PLXDC2: variants seen among roughly 807,000 people sequenced by gnomAD.
PLXDC2 encodes the protein plexin domain-containing protein 2.
Under a neutral mutation model 68.9 loss-of-function variants are expected in PLXDC2, and 40 were observed. That is an observed-to-expected ratio of 0.58 (90% CI 0.45 to 0.76). PLXDC2 has a LOEUF of 0.76. PLXDC2 is among the 30% of genes least tolerant of loss of function. PLXDC2 has a pLI of 0.00. For synonymous variants in PLXDC2, 243 were observed against 234.2 expected, an observed-to-expected ratio of 1.04 and a Z score of -0.34; for missense variants, 644 against 661.9, an observed-to-expected ratio of 0.97 and a Z score of 0.30.
intron 1 of PLXDC2, among the ~76,000 whole-genome samples, chr10:19,907,515 C>A (rs1187387145): frequency 1.3e-5 from 2 of 152,118 alleles, no homozygotes; most frequent in African/African-American, 2.4e-5. Context: ...CAAAACAAAG[C>A]AGAACAGCAA....
At chr10:20,191,469 AT>A (rs1272379198) in intron 9 of PLXDC2, among the ~76,000 whole-genome samples, 1 of 151,554 alleles carries the variant, frequency 6.6e-6, no homozygotes, top group Admixed American at 6.6e-5. Context: ...ATGTCTTCTG[AT>A]CACCGAGAAG....
chr10:20,037,099 A>G (rs1835590411), intron 2 of PLXDC2, among the ~76,000 whole-genome samples: 1 of 152,184 alleles, frequency 6.6e-6, no homozygotes, highest in South Asian at 2.1e-4. Context: ...GATCTAGTTC[A>G]ACTCCTTCCT....
intron 1 of PLXDC2, among the ~76,000 whole-genome samples, chr10:19,827,313 TC>T (rs1836591034): frequency 6.6e-6 from 1 of 152,230 alleles, no homozygotes; most frequent in African/African-American, 2.4e-5. Context: ...AAACCGGTCC[TC>T]CTTGTTCTTG....
intron 1 of PLXDC2, among the ~76,000 whole-genome samples, chr10:19,871,348 T>C (rs946767148): frequency 3.3e-5 from 5 of 152,172 alleles, no homozygotes; most frequent in East Asian, 1.9e-4. Context: ...AATTAGAAGA[T>C]AAATAAAAGA....
In PLXDC2 at chr10:20,280,475, C is replaced by T. The variant is rs1476991660; in HGVS notation, c.*656C>T. On this transcript the variant is annotated 3_prime_UTR_variant, in exon 14 of 14. Transcript: ENST00000377252. Reference sequence around the variant, plus strand: ...CAGGAGGTTCAAACCATGTCTGCCTCTTCCTTTGTAATGAATGACCTTTCT... The same window carrying T: ...CAGGAGGTTCAAACCATGTCTGCCTTTTCCTTTGTAATGAATGACCTTTCT... The T allele has an allele frequency of 6.6e-6, 1 of 152,196 alleles. No homozygotes were observed. The highest frequency in any genetic ancestry group is 1.5e-5 in the Non-Finnish European group (1 of 68,040). 9.4% of individuals were successfully genotyped at this position (152,196 alleles called of 1,614,324 possible). A position where few individuals can be genotyped will look rare whatever the true frequency, so the allele number is the denominator to read the frequency against.
At chr10:20,122,571 C>T (rs1001731162) in intron 4 of PLXDC2, among the ~76,000 whole-genome samples, 6 of 152,198 alleles carry the variant, frequency 3.9e-5, no homozygotes, top group Admixed American at 6.5e-5. Flanking sequence ...TAGGAGGAAT[C>T]CTGGGCTGCA....
At chr10:20,134,048 CT>C (rs1226605280) in intron 4 of PLXDC2, among the ~76,000 whole-genome samples, 1 of 152,100 alleles carries the variant, frequency 6.6e-6, no homozygotes, top group African/African-American at 2.4e-5. Context: ...TCCAGAATTT[CT>C]GTTTGGTTCT....
intron 1 of PLXDC2, among the ~76,000 whole-genome samples, chr10:19,977,827 C>G (rs1834484774): frequency 6.6e-6 from 1 of 152,126 alleles, no homozygotes; most frequent in Admixed American, 6.6e-5. Context: ...ACGACCTAAT[C>G]TGAGCCTAAT....
chr10:19,899,374 G>T (rs1157510528), intron 1 of PLXDC2, among the ~76,000 whole-genome samples: 3 of 152,186 alleles, frequency 2.0e-5, no homozygotes, highest in Non-Finnish European at 4.4e-5. Context: ...CAAACAACCT[G>T]CTTGCCCTTC....
chr10:19,840,301 T>A (rs1836879048), intron 1 of PLXDC2, among the ~76,000 whole-genome samples: 1 of 152,162 alleles, frequency 6.6e-6, no homozygotes, highest in South Asian at 2.1e-4. Context: ...AAAACTCAAG[T>A]GTTTAAGCTT....
chr10:20,022,745 G>A (rs1292084149), intron 2 of PLXDC2, among the ~76,000 whole-genome samples: 1 of 152,092 alleles, frequency 6.6e-6, no homozygotes, highest in Non-Finnish European at 1.5e-5. Flanking sequence ...GTACCAAGGC[G>A]AAGAGTGATG....
At chr10:19,953,797 C>G (rs1834025646) in intron 1 of PLXDC2, among the ~76,000 whole-genome samples, 2 of 151,744 alleles carry the variant, frequency 1.3e-5, no homozygotes, top group South Asian at 4.2e-4. Flanking sequence ...ACAAAGTTTC[C>G]TTAATGTGAA....
At chr10:20,249,341 A>G (rs914228326) in intron 13 of PLXDC2, among the ~76,000 whole-genome samples, 3 of 152,192 alleles carry the variant, frequency 2.0e-5, no homozygotes, top group African/African-American at 7.2e-5. Flanking sequence ...CTGTTGTAAC[A>G]AATTGCCACA....
chr10:20,279,914 A>C lies in PLXDC2; in HGVS notation c.*95A>C. ...AAGACAAACAAACAAACACACACAC[A>C]AACAAGCTCTAAGCTGCTGTAGCCT... On this transcript the variant is annotated 3_prime_UTR_variant, in exon 14 of 14. Coordinates refer to ENST00000377252, the MANE Select transcript of PLXDC2 (RefSeq NM_032812.9). 1 of 905,952 alleles carries C rather than the reference A, an allele frequency of 1.1e-6. No individual in the cohort carries two copies. Among genetic ancestry groups the C allele is most frequent in the Admixed American group, 1.9e-5 (1 of 52,590 alleles). The allele number at this position is 905,952 out of a possible 1,614,324, so 56.1% of individuals were successfully genotyped here.
At chr10:20,067,158 AT>A (rs1292845077) in intron 3 of PLXDC2, among the ~76,000 whole-genome samples, 1 of 152,216 alleles carries the variant, frequency 6.6e-6, no homozygotes, top group Non-Finnish European at 1.5e-5. Flanking sequence ...TTTTAAAAAA[AT>A]AGACACTATA....
chr10:19,880,663 A>G (rs771040467), intron 1 of PLXDC2, among the ~76,000 whole-genome samples: 5 of 152,216 alleles, frequency 3.3e-5, no homozygotes, highest in Non-Finnish European at 5.9e-5. Context: ...GAAATAAAGT[A>G]TTCAGTACTT....
At chr10:19,852,190 G>A (rs1446623514) in intron 1 of PLXDC2, among the ~76,000 whole-genome samples, 7 of 151,918 alleles carry the variant, frequency 4.6e-5, no homozygotes, top group African/African-American at 7.3e-5. Context: ...GGATACTTGA[G>A]ACCAGGATTT....
intron 1 of PLXDC2, among the ~76,000 whole-genome samples, chr10:19,908,132 A>G (rs983638437): frequency 6.6e-6 from 1 of 152,194 alleles, no homozygotes; most frequent in East Asian, 1.9e-4. Flanking sequence ...GAATTTTTAG[A>G]TGGATGTTTT....
intron 1 of PLXDC2, among the ~76,000 whole-genome samples, chr10:19,819,606 T>C (rs1179791247): frequency 6.6e-6 from 1 of 152,250 alleles, no homozygotes; most frequent in African/African-American, 2.4e-5. Flanking sequence ...GTTACTTTAG[T>C]AAATGCTGCA....
Sources: gnomAD v4.1 joint callset for allele counts (sites outside exome capture counted in the v4.1 genomes callset) on GRCh38, gnomAD v4.1.1 for gene constraint, MANE v1.5 for transcripts, NCBI Gene and HGNC (gene_info 2026-07-23, HGNC 2026-07-21) for gene names.